RAPGEF5: variants seen among roughly 807,000 people sequenced by gnomAD.
RAPGEF5 encodes the protein M-Ras-regulated GEF.
Under a neutral mutation model 125.2 loss-of-function variants are expected in RAPGEF5, and 65 were observed. The observed-to-expected ratio is 0.52, with a 90% CI of 0.43 to 0.64. RAPGEF5 has a LOEUF of 0.64. RAPGEF5 is among the 30% of genes least tolerant of loss of function. The pLI is 0.00. For missense variants in RAPGEF5, 958 were observed against 1,048.1 expected (o/e 0.91, Z 1.19); for synonymous variants, 391 against 385.9 (o/e 1.01, Z -0.16).
At chr7:22,235,077 C>A (rs954717580) in intron 7 of RAPGEF5, among the ~76,000 whole-genome samples, 10 of 152,130 alleles carry the variant, frequency 6.6e-5, no homozygotes, top group Non-Finnish European at 1.5e-4. Context: ...TACAAACCAA[C>A]CCCAAAGATG....
intron 6 of RAPGEF5, among the ~76,000 whole-genome samples, chr7:22,273,422 G>T (rs898109834): frequency 6.6e-6 from 1 of 151,684 alleles, no homozygotes; most frequent in African/African-American, 2.4e-5. Flanking sequence ...GTTTCACCAT[G>T]TTAGCCAGGA....
intron 9 of RAPGEF5, among the ~76,000 whole-genome samples, chr7:22,217,443 G>A (rs1785666017): frequency 6.6e-6 from 1 of 152,146 alleles, no homozygotes; most frequent in Admixed American, 6.5e-5. Flanking sequence ...AAAGGTATAG[G>A]CACATCAAAT....
intron 14 of RAPGEF5, 65 bp from the exon 15 acceptor site, chr7:22,157,950 C>A: frequency 1.4e-6 from 2 of 1,476,820 alleles, no homozygotes; most frequent in South Asian, 1.2e-5. Context: ...GTTATTGTTA[C>A]GGAAGACTAA....
chr7:22,295,750 T>A (rs1039902186), intron 5 of RAPGEF5, among the ~76,000 whole-genome samples: 4 of 152,052 alleles, frequency 2.6e-5, no homozygotes, highest in Admixed American at 2.6e-4. Context: ...ATCACAAAAA[T>A]TTTTTGAAAA....
chr7:22,137,237 T>C (rs1413426497), intron 21 of RAPGEF5, among the ~76,000 whole-genome samples: 1 of 152,250 alleles, frequency 6.6e-6, no homozygotes, highest in Non-Finnish European at 1.5e-5. Context: ...TGGTTAGACA[T>C]TCCACATACT....
At chr7:22,124,604 G>T (rs1292326153) in intron 25 of RAPGEF5, among the ~76,000 whole-genome samples, 1 of 152,148 alleles carries the variant, frequency 6.6e-6, no homozygotes, top group Admixed American at 6.6e-5. Context: ...ATTGTTAGCA[G>T]TACTTTTCTT....
At chr7:22,332,174 T>C (rs959561741) in intron 1 of RAPGEF5, among the ~76,000 whole-genome samples, 1 of 152,192 alleles carries the variant, frequency 6.6e-6, no homozygotes, top group African/African-American at 2.4e-5. Flanking sequence ...TACTTGCAAA[T>C]GATAATCTCC....
At chr7:22,210,743 G>A (rs909182952) in intron 9 of RAPGEF5, among the ~76,000 whole-genome samples, 2 of 152,032 alleles carry the variant, frequency 1.3e-5, no homozygotes, top group East Asian at 1.9e-4. Context: ...CTTGTTCACT[G>A]ACTTATGTAC....
rs560376546 is a variant in RAPGEF5, at chr7:22,162,457, C to T, written c.1368G>A (p.Gln456=). The change falls in exon 13 of 26, where the codon CAG becomes CAA. Residue 456 remains glutamine (Q), a synonymous_variant. Transcript: ENST00000665637. The part of the protein sequence containing the change: ...RKRKVLHLVS[Q]WIALYKDWLP... The stretch of plus-strand genomic sequence containing the variant: ...ACCAGTCTTTGTACAGAGCAATCCA[C>T]TGGGAAACAAGATGCAAGACTTTAC... The T allele has an allele frequency of 5.0e-6, 8 of 1,602,952 alleles. No homozygotes were observed. The South Asian group carries it at 8.8e-5, about 18-fold the overall frequency.
At chr7:22,232,233 A>C (rs1459159382) in intron 7 of RAPGEF5, among the ~76,000 whole-genome samples, 2 of 152,154 alleles carry the variant, frequency 1.3e-5, no homozygotes, top group Non-Finnish European at 1.5e-5. Flanking sequence ...TCTTCATCAA[A>C]AGTAGGCCAA....
At chr7:22,316,343 T>A (rs948910278) in intron 2 of RAPGEF5, among the ~76,000 whole-genome samples, 1 of 100,666 alleles carries the variant, frequency 9.9e-6, no homozygotes, top group African/African-American at 4.4e-5. Context: ...TTTTTATGTA[T>A]CTACTATATA....
chr7:22,254,608 CAAAAAAA>C (rs11330777), intron 7 of RAPGEF5, among the ~76,000 whole-genome samples: 1 of 83,026 alleles, frequency 1.2e-5, no homozygotes, highest in Non-Finnish European at 2.5e-5. Flanking sequence ...AACTCCGTCT[CAAAAAAA>C]AAAAAAAAAA....
intron 9 of RAPGEF5, among the ~76,000 whole-genome samples, chr7:22,214,635 C>G (rs1785589810): frequency 6.6e-6 from 1 of 152,126 alleles, no homozygotes; most frequent in East Asian, 1.9e-4. Context: ...ATAAGCTTTT[C>G]AAATCTAAGT....
intron 5 of RAPGEF5, among the ~76,000 whole-genome samples, chr7:22,293,241 G>A (rs953264199): frequency 4.6e-5 from 7 of 152,264 alleles, no homozygotes; most frequent in African/African-American, 1.7e-4. Flanking sequence ...AAGTGGCTCT[G>A]TGTGGCAATT....
chr7:22,325,964 C>T (rs979484316), intron 1 of RAPGEF5, among the ~76,000 whole-genome samples: 1 of 152,144 alleles, frequency 6.6e-6, no homozygotes, highest in Non-Finnish European at 1.5e-5. Flanking sequence ...TGTGTGGGGT[C>T]GTCAACAGGA....
chr7:22,126,159 A>G (rs1338654670), intron 24 of RAPGEF5, among the ~76,000 whole-genome samples: 1 of 152,156 alleles, frequency 6.6e-6, no homozygotes, highest in East Asian at 1.9e-4. Context: ...AAAAACAAAC[A>G]AACAAAAAAC....
In RAPGEF5 at chr7:22,310,431, A is replaced by G. The variant is rs750204643; in HGVS notation, c.390-341T>C. ...AACTCACTATTAATTCCCAACAATT[A>G]GAACAGTCCACAATACACAGTAAGT... is the stretch of plus-strand genomic sequence containing the variant. On this transcript the variant is annotated intron_variant, in intron 3 of 25. Coordinates refer to ENST00000665637, the MANE Select transcript of RAPGEF5 (RefSeq NM_012294.5). 1.8e-4 allele frequency among the ~76,000 whole-genome samples: 27 copies of G among 152,362 alleles called. 1 individual carries two copies. Among genetic ancestry groups the G allele is most frequent in the Middle Eastern group, 3.4e-3 (1 of 294 alleles).
chr7:22,152,168 C>A (rs1372721428), intron 17 of RAPGEF5, among the ~76,000 whole-genome samples: 1 of 152,188 alleles, frequency 6.6e-6, no homozygotes, highest in Non-Finnish European at 1.5e-5. Context: ...CTGTTTAATG[C>A]AGAGTATACA....
intron 2 of RAPGEF5, among the ~76,000 whole-genome samples, 179 bp downstream of exon 2, chr7:22,317,808 A>T (rs533895971): frequency 3.6e-4 from 55 of 152,348 alleles, no homozygotes; most frequent in African/African-American, 1.3e-3. Context: ...CAATGATCAG[A>T]GCATCTCAAA....
Sources: gnomAD v4.1 joint callset for allele counts (sites outside exome capture counted in the v4.1 genomes callset) on GRCh38, gnomAD v4.1.1 for gene constraint, MANE v1.5 for transcripts, NCBI Gene and HGNC (gene_info 2026-07-23, HGNC 2026-07-21) for gene names.